Variants in CTNNA3 observed in about 807,000 individuals in gnomAD.
CTNNA3 encodes the protein catenin alpha 3.
A neutral mutation model predicts 95.7 loss-of-function variants in CTNNA3; 76 were observed. That is an observed-to-expected ratio of 0.79 (90% CI 0.66 to 0.96). CTNNA3 has a LOEUF of 0.96. Ranked by LOEUF, CTNNA3 falls within the 40% of genes least tolerant of loss-of-function variation. The probability of loss-of-function intolerance (pLI) is 0.00; values close to 1 mark genes in which losing one functional copy is unlikely to be tolerated. For missense variants in CTNNA3, 1,191 were observed against 1,089.8 expected (o/e 1.09, Z -1.31); for synonymous variants, 431 against 374.4 (o/e 1.15, Z -1.74).
chr10:67,452,330 T>G (rs1187969512), intron 5 of CTNNA3, among the ~76,000 whole-genome samples: 2 of 152,196 alleles, frequency 1.3e-5, no homozygotes, highest in Non-Finnish European at 2.9e-5. Context: ...TCAATTAACT[T>G]TAAATTATGC....
intron 15 of CTNNA3, among the ~76,000 whole-genome samples, chr10:66,049,967 G>A (rs1377158754): frequency 6.6e-6 from 1 of 152,006 alleles, no homozygotes; most frequent in African/African-American, 2.4e-5. Context: ...GGCCAAAAAA[G>A]TGTATAGGAA....
chr10:67,449,869 C>A (rs1289763826), intron 5 of CTNNA3, among the ~76,000 whole-genome samples: 5 of 151,812 alleles, frequency 3.3e-5, no homozygotes, highest in African/African-American at 1.2e-4. Context: ...AAACAGACAA[C>A]CTAAATAGTA....
Position 67,219,659 on chromosome 10 carries a change from G to T in CTNNA3, c.791C>A (p.Thr264Asn). The T allele has an allele frequency of 1.9e-6, 3 of 1,614,096 alleles. No individual in the cohort carries two copies. Among genetic ancestry groups the T allele is most frequent in the Non-Finnish European group, 2.5e-6 (3 of 1,179,996 alleles). ...NASQGIQNMT[T>N]PPEPQAATLG... Reference sequence around the variant, plus strand: ...GGTTGCTGCCTGAGGTTCTGGTGGGGTTGTCATATTCTGGATCCCTTGTGA... The same window carrying T: ...GGTTGCTGCCTGAGGTTCTGGTGGGTTTGTCATATTCTGGATCCCTTGTGA... The change falls in exon 6 of 18, where the codon ACC becomes AAC. Residue 264 changes from threonine (T) to asparagine (N), a missense_variant. Thr to Asn is a moderately conservative substitution (Grantham distance 65). Coordinates refer to ENST00000433211, the MANE Select transcript of CTNNA3 (RefSeq NM_013266.4).
rs75822087 is a variant in CTNNA3, at chr10:67,010,159, G to A, written c.1047+170158C>T. On this transcript the variant is annotated intron_variant, in intron 7 of 17. Transcript: ENST00000433211. The stretch of plus-strand genomic sequence containing the variant: ...CATTACAAGAAAAATAAACACACAC[G>A]CATATGCACTAAAGCAGAAGATTAC... Among the ~76,000 whole-genome samples, 357 of 152,050 alleles carry A rather than the reference G, an allele frequency of 2.3e-3. 3 individuals are homozygous for A. Among genetic ancestry groups the A allele is most frequent in the African/African-American group, 8.0e-3 (330 of 41,488 alleles).
At chr10:66,176,354 T>C (rs2085712362) in intron 13 of CTNNA3, among the ~76,000 whole-genome samples, 1 of 152,144 alleles carries the variant, frequency 6.6e-6, no homozygotes, top group Non-Finnish European at 1.5e-5. Flanking sequence ...TGTTCTGACC[T>C]TATGTATTTG....
chr10:66,155,366 AT>A (rs2084437059), intron 13 of CTNNA3, among the ~76,000 whole-genome samples: 1 of 151,868 alleles, frequency 6.6e-6, no homozygotes, highest in Non-Finnish European at 1.5e-5. Flanking sequence ...CAACTGGAAA[AT>A]CAGTATCTGT....
intron 14 of CTNNA3, among the ~76,000 whole-genome samples, chr10:66,102,694 G>C (rs1189700914): frequency 6.6e-6 from 1 of 151,956 alleles, no homozygotes; most frequent in African/African-American, 2.4e-5. Context: ...GTGTGGTGGT[G>C]GTGGCAGTGG....
chr10:66,115,320 C>G (rs181765440), intron 13 of CTNNA3, among the ~76,000 whole-genome samples: 33 of 152,282 alleles, frequency 2.2e-4, no homozygotes, highest in Non-Finnish European at 4.6e-4. Flanking sequence ...AGAAGTGTCC[C>G]TTACCAGGTC....
intron 7 of CTNNA3, among the ~76,000 whole-genome samples, chr10:66,962,009 C>T (rs114281259): frequency 0.031 from 4,676 of 152,264 alleles, 236 homozygotes; most frequent in African/African-American, 0.11. Flanking sequence ...TCTCATTTTA[C>T]TAACCATATT....
chr10:67,712,039 T>C (rs1316901167), intron 1 of CTNNA3, among the ~76,000 whole-genome samples: 1 of 152,114 alleles, frequency 6.6e-6, no homozygotes, highest in East Asian at 1.9e-4. Flanking sequence ...ACTGGGTATA[T>C]ACCCAAAGGA....
At chr10:67,048,820 C>T (rs1269190955) in intron 7 of CTNNA3, among the ~76,000 whole-genome samples, 2 of 151,974 alleles carry the variant, frequency 1.3e-5, no homozygotes, top group Non-Finnish European at 2.9e-5. Flanking sequence ...ATAATAGTAA[C>T]ATGATGTCTC....
In CTNNA3 at chr10:67,135,859, C is replaced by T. The variant is rs865787965; in HGVS notation, c.1047+44458G>A. ...TTAACTCATTCAAATTTCTTTTGAC[C>T]CAATTATATGTTTCTACTTTACTAT... On this transcript the variant is annotated intron_variant, in intron 7 of 17. Coordinates refer to ENST00000433211, the MANE Select transcript of CTNNA3 (RefSeq NM_013266.4). Among the ~76,000 whole-genome samples the T allele has an allele frequency of 6.6e-5, 10 of 152,086 alleles. No individual in the cohort carries two copies. In the South Asian group the frequency reaches 1.3e-3, roughly 19 times the overall value.
At chr10:66,444,242 A>G (rs2093399705) in intron 11 of CTNNA3, among the ~76,000 whole-genome samples, 1 of 152,178 alleles carries the variant, frequency 6.6e-6, no homozygotes, top group Non-Finnish European at 1.5e-5. Flanking sequence ...CAAGTTGGAA[A>G]ACACTCTGCA....
chr10:65,946,786 T>C (rs977762677), intron 17 of CTNNA3, among the ~76,000 whole-genome samples: 3 of 152,168 alleles, frequency 2.0e-5, no homozygotes, highest in African/African-American at 7.2e-5. Flanking sequence ...TAATGGGCTG[T>C]TGTACCCTGC....
intron 9 of CTNNA3, among the ~76,000 whole-genome samples, chr10:66,629,084 A>T (rs1845042959): frequency 6.6e-6 from 1 of 152,136 alleles, no homozygotes; most frequent in Admixed American, 6.6e-5. Context: ...CTGTGATGTC[A>T]TGGAGACCAG....
At chr10:66,761,999 A>G (rs919821204) in intron 9 of CTNNA3, among the ~76,000 whole-genome samples, 1 of 152,184 alleles carries the variant, frequency 6.6e-6, no homozygotes, top group Admixed American at 6.5e-5. Context: ...AAAGAAATTA[A>G]AATTAATTGG....
chr10:67,422,179 C>G (rs1449403785), intron 5 of CTNNA3, among the ~76,000 whole-genome samples: 1 of 151,982 alleles, frequency 6.6e-6, no homozygotes, highest in East Asian at 1.9e-4. Flanking sequence ...AATCTGGGGA[C>G]AACTGACAAA....
chr10:66,131,694 A>G (rs2083111165), intron 13 of CTNNA3, among the ~76,000 whole-genome samples: 1 of 152,194 alleles, frequency 6.6e-6, no homozygotes, highest in Non-Finnish European at 1.5e-5. Context: ...ACTGGTACAA[A>G]AACAGACACA....
chr10:66,759,522 C>G (rs1383989835), intron 9 of CTNNA3, among the ~76,000 whole-genome samples: 8 of 152,162 alleles, frequency 5.3e-5, no homozygotes, highest in Non-Finnish European at 1.2e-4. Context: ...ACTGCACTTA[C>G]TAAATGTCAG....
Sources: allele counts gnomAD v4.1 joint callset (sites outside exome capture counted in the v4.1 genomes callset), GRCh38; gene constraint gnomAD v4.1.1; transcripts MANE v1.5; gene names NCBI Gene and HGNC (gene_info 2026-07-23, HGNC 2026-07-21).